Variants in SIRPD observed in about 807,000 individuals in gnomAD.
SIRPD encodes signal regulatory protein delta, also known as signal-regulatory protein delta.
Under a neutral mutation model 18.0 loss-of-function variants are expected in SIRPD, and 21 were observed. The observed-to-expected ratio is 1.17, with a 90% CI of 0.83 to 1.68. The LOEUF (loss-of-function observed/expected upper bound fraction) is 1.68, where lower values mean the gene tolerates loss of function less well. Ranked by LOEUF, SIRPD falls within the 40% of genes most tolerant of loss-of-function variation. The pLI is 0.00. For synonymous variants in SIRPD, 106 were observed against 92.9 expected (o/e 1.14, Z -0.81); for missense variants, 295 against 238.4 (o/e 1.24, Z -1.56).
intron 2 of SIRPD, among the ~76,000 whole-genome samples, chr20:1,539,357 A>T (rs2090960961): frequency 6.6e-6 from 1 of 152,224 alleles, no homozygotes; most frequent in Non-Finnish European, 1.5e-5. Context: ...TATAATTTTG[A>T]TATTTCAAGA....
chr20:1,534,365 G>T lies in SIRPD; in HGVS notation c.*60C>A. The T allele has an allele frequency of 6.2e-7, 1 of 1,603,502 alleles. No homozygotes were observed. The highest frequency in any genetic ancestry group is 1.1e-5 in the South Asian group (1 of 89,216). ...AACTCCTAAAAAGTAGCTGTCTCCAGGGAGTCAGAAGAGTATGGGGGCTTT... is the reference window on the plus strand; with the variant it reads ...AACTCCTAAAAAGTAGCTGTCTCCATGGAGTCAGAAGAGTATGGGGGCTTT... On this transcript the variant is annotated 3_prime_UTR_variant, in exon 4 of 4. Coordinates refer to ENST00000381623, the MANE Select transcript of SIRPD (RefSeq NM_178460.3).
At chr20:1,545,929 G>A (rs557173383) in intron 2 of SIRPD, among the ~76,000 whole-genome samples, 3 of 152,294 alleles carry the variant, frequency 2.0e-5, no homozygotes, top group East Asian at 3.9e-4. Flanking sequence ...TCCTGTTTTC[G>A]TGGGTATCAC....
chr20:1,543,476 C>A (rs2090980813), intron 2 of SIRPD, among the ~76,000 whole-genome samples: 2 of 141,050 alleles, frequency 1.4e-5, no homozygotes, highest in Admixed American at 1.4e-4. Context: ...TCAGGGTATT[C>A]CCTTCTTCAT....
At position 1,557,542 on chromosome 20, in the gene SIRPD, G is replaced by A; in HGVS notation, c.73+39C>T. ...GGAGAGTTCACTAAACAGGCAGAGG[G>A]GAGAACCCACCACACACATACACTG... On this transcript the variant is annotated intron_variant, in intron 1 of 3. Coordinates refer to ENST00000381623, the MANE Select transcript of SIRPD (RefSeq NM_178460.3). 5 of 1,461,928 alleles carry A rather than the reference G, an allele frequency of 3.4e-6. No homozygotes were observed. In the South Asian group the frequency reaches 7.3e-5, roughly 21 times the overall value. 90.6% of individuals were successfully genotyped at this position (1,461,928 alleles called of 1,614,324 possible).
intron 2 of SIRPD, among the ~76,000 whole-genome samples, chr20:1,538,508 G>A: frequency 6.6e-6 from 1 of 152,162 alleles, no homozygotes; most frequent in East Asian, 1.9e-4. Context: ...CCATGGAGAT[G>A]TAGGCATATG....
Position 1,547,914 on chromosome 20 carries a change from G to C in SIRPD, c.421+3777C>G, listed in dbSNP as rs533039877. 2.6e-5 allele frequency among the ~76,000 whole-genome samples: 4 copies of C among 152,214 alleles called. No homozygotes were observed. In the East Asian group the frequency reaches 7.7e-4, roughly 29 times the overall value. On this transcript the variant is annotated intron_variant, in intron 2 of 3. Transcript: ENST00000381623. ...ATTCCAAGTGTGTGGAAATGTAATA[G>C]ATTTTTGTATATTGAACTGTACTCT...
chr20:1,535,877 A>C (rs1344976241), intron 3 of SIRPD, among the ~76,000 whole-genome samples: 1 of 152,090 alleles, frequency 6.6e-6, no homozygotes, highest in Non-Finnish European at 1.5e-5. Flanking sequence ...TTTGAGAAAC[A>C]CTCAGGACTG....
At chr20:1,545,760 A>G (rs551704058) in intron 2 of SIRPD, among the ~76,000 whole-genome samples, 4 of 152,090 alleles carry the variant, frequency 2.6e-5, no homozygotes, top group South Asian at 2.1e-4. Context: ...GGATTTATCT[A>G]CCTTGATCTT....
chr20:1,551,616 T>C (rs2091019264), intron 2 of SIRPD, 75 bp downstream of exon 2: 20 of 1,157,036 alleles, frequency 1.7e-5, no homozygotes, highest in Non-Finnish European at 2.0e-5. Flanking sequence ...ATAGCAATTA[T>C]TGAATGAATA....
chr20:1,554,149 T>G (rs1343544594), intron 1 of SIRPD: 1 of 152,660 alleles, frequency 6.6e-6, no homozygotes, highest in Non-Finnish European at 1.5e-5. Context: ...AGATTAATTG[T>G]TGTCCTGGCC....
intron 2 of SIRPD, among the ~76,000 whole-genome samples, chr20:1,547,549 G>A (rs556205466): frequency 1.3e-4 from 20 of 152,256 alleles, no homozygotes; most frequent in East Asian, 3.9e-4. Flanking sequence ...GAGCCATTGC[G>A]TCCAGCCTGT....
chr20:1,539,554 G>A (rs1255553094), intron 2 of SIRPD, among the ~76,000 whole-genome samples: 1 of 152,200 alleles, frequency 6.6e-6, no homozygotes, highest in Non-Finnish European at 1.5e-5. Flanking sequence ...CCTAGTTACT[G>A]AGAGAACTGC....
At chr20:1,545,577 G>A (rs2090990053) in intron 2 of SIRPD, among the ~76,000 whole-genome samples, 1 of 152,160 alleles carries the variant, frequency 6.6e-6, no homozygotes, top group African/African-American at 2.4e-5. Flanking sequence ...TTTTAGCATG[G>A]AGGAGTTTGT....
At chr20:1,553,644 A>AT (rs1341436222) in intron 1 of SIRPD, among the ~76,000 whole-genome samples, 1 of 152,296 alleles carries the variant, frequency 6.6e-6, no homozygotes, top group African/African-American at 2.4e-5. Flanking sequence ...CAGTGCACAC[A>AT]TGTAGTTGCA....
chr20:1,553,941 G>T (rs745439455), intron 1 of SIRPD: 3 of 152,642 alleles, frequency 2.0e-5, no homozygotes, highest in Admixed American at 6.5e-5. Context: ...ATCAGGCTGT[G>T]CTCACCATTC....
intron 2 of SIRPD, among the ~76,000 whole-genome samples, chr20:1,540,761 G>A (rs1001870233): frequency 6.6e-6 from 1 of 152,134 alleles, no homozygotes; most frequent in Non-Finnish European, 1.5e-5. Flanking sequence ...TCTACATTAG[G>A]TATTTCTCCT....
intron 2 of SIRPD, 70 bp from the exon 3 acceptor site, chr20:1,537,380 G>A (rs2090951583): frequency 2.0e-6 from 3 of 1,495,766 alleles, no homozygotes; most frequent in East Asian, 2.3e-5. Context: ...GGAAAGGGCT[G>A]TAGGATTATG....
At position 1,551,950 on chromosome 20, in the gene SIRPD, G is replaced by A. The variant is rs144302855; in HGVS notation, c.162C>T (p.Pro54=). ...GESIILSCSV[P]NTLPNGPVLW... ...AGACAGGTCCATTTGGTAAGGTATT[G>A]GGTACGCTGCAACTCAAGATGATTG... is the stretch of plus-strand genomic sequence containing the variant. The change falls in exon 2 of 4, where the codon CCC becomes CCT. Residue 54 remains proline, a synonymous_variant. Coordinates refer to ENST00000381623, the MANE Select transcript of SIRPD (RefSeq NM_178460.3). 87 of 1,613,874 alleles carry A rather than the reference G, an allele frequency of 5.4e-5. No individual in the cohort carries two copies. Among genetic ancestry groups the A allele is most frequent in the African/African-American group, 8.0e-5 (6 of 74,858 alleles).
chr20:1,539,287 C>G (rs2090960830), intron 2 of SIRPD, among the ~76,000 whole-genome samples: 1 of 152,082 alleles, frequency 6.6e-6, no homozygotes, highest in Admixed American at 6.5e-5. Context: ...TGAGGATTTT[C>G]TAATGATCTT....
Sources: gnomAD v4.1 joint callset for allele counts (sites outside exome capture counted in the v4.1 genomes callset) on GRCh38, gnomAD v4.1.1 for gene constraint, MANE v1.5 for transcripts, NCBI Gene and HGNC (gene_info 2026-07-23, HGNC 2026-07-21) for gene names.